ERC1: variants seen among roughly 807,000 people sequenced by gnomAD.
The protein encoded by ERC1 is RAB6 interacting protein 2.
In ERC1, 56 loss-of-function variants were observed where a neutral mutation model predicts 132.0. That is an observed-to-expected ratio of 0.42 (90% CI 0.34 to 0.53). The LOEUF (loss-of-function observed/expected upper bound fraction) is 0.53, where lower values mean the gene tolerates loss of function less well. Among genes scored for constraint, ERC1 ranks in the 20% least tolerant of loss-of-function variants. The pLI is 0.03. For missense variants in ERC1, 1,202 were observed against 1,349.9 expected (o/e 0.89, Z 1.72); for synonymous variants, 478 against 476.1 (o/e 1.00, Z -0.05).
chr12:1,195,876 C>CT (rs1491234801), intron 12 of ERC1, among the ~76,000 whole-genome samples: 5 of 68,854 alleles, frequency 7.3e-5, no homozygotes, highest in African/African-American at 5.3e-4. Context: ...CTTATTTCCG[C>CT]CCCCCCCCCC....
At chr12:1,214,612 T>C (rs1336311454) in intron 12 of ERC1, among the ~76,000 whole-genome samples, 1 of 152,012 alleles carries the variant, frequency 6.6e-6, no homozygotes, top group Non-Finnish European at 1.5e-5. Flanking sequence ...CAAATTTAGA[T>C]ATTTAAATTT....
intron 12 of ERC1, among the ~76,000 whole-genome samples, chr12:1,227,153 A>T (rs894488947): frequency 5.0e-4 from 76 of 152,184 alleles, no homozygotes; most frequent in African/African-American, 1.8e-3. Flanking sequence ...AGCAGAAGTG[A>T]CATTGCTGAG....
intron 2 of ERC1, among the ~76,000 whole-genome samples, chr12:1,080,202 C>T (rs1258450903): frequency 2.0e-5 from 3 of 152,118 alleles, no homozygotes; most frequent in Admixed American, 1.3e-4. Flanking sequence ...TAGTGGCATT[C>T]AGTATATCCC....
At chr12:1,485,927 A>C (rs2094208315) in intron 18 of ERC1, among the ~76,000 whole-genome samples, 3 of 152,238 alleles carry the variant, frequency 2.0e-5, no homozygotes, top group Admixed American at 2.0e-4. Flanking sequence ...GGTTTTAAAT[A>C]TACATCTTTA....
At chr12:1,485,287 C>T (rs1252857996) in intron 18 of ERC1, among the ~76,000 whole-genome samples, 1 of 147,366 alleles carries the variant, frequency 6.8e-6, no homozygotes, top group Non-Finnish European at 1.5e-5. Context: ...CCACTGCAAC[C>T]TCCACCTCCT....
intron 8 of ERC1, among the ~76,000 whole-genome samples, chr12:1,170,259 C>T (rs1000093432): frequency 1.3e-5 from 2 of 152,078 alleles, no homozygotes; most frequent in African/African-American, 4.8e-5. Context: ...AGTGGATAGA[C>T]CATATTTAAT....
intron 16 of ERC1, among the ~76,000 whole-genome samples, chr12:1,394,899 A>G (rs1004679535): frequency 3.9e-5 from 6 of 152,174 alleles, no homozygotes; most frequent in African/African-American, 1.4e-4. Flanking sequence ...ATTACAGACA[A>G]ACTGTGGTAA....
intron 17 of ERC1, among the ~76,000 whole-genome samples, chr12:1,418,665 CT>C (rs1249530675): frequency 6.3e-3 from 528 of 83,738 alleles, no homozygotes; most frequent in African/African-American, 0.027. Flanking sequence ...CTCTCTCTTT[CT>C]TTTCTTTCTT....
intron 12 of ERC1, among the ~76,000 whole-genome samples, chr12:1,202,950 T>G (rs1282854750): frequency 6.6e-6 from 1 of 152,270 alleles, no homozygotes; most frequent in Non-Finnish European, 1.5e-5. Context: ...GAACATTGTC[T>G]GCATTTTACA....
At chr12:1,269,319 G>A (rs1339577598) in intron 14 of ERC1, among the ~76,000 whole-genome samples, 1 of 152,188 alleles carries the variant, frequency 6.6e-6, no homozygotes, top group Non-Finnish European at 1.5e-5. Context: ...TGCTCAGAGA[G>A]GGTCCTCTGT....
intron 18 of ERC1, among the ~76,000 whole-genome samples, chr12:1,483,638 AAAATC>A (rs1479718266): frequency 6.8e-6 from 1 of 147,372 alleles, no homozygotes; most frequent in Non-Finnish European, 1.5e-5. Context: ...AAGTAAAAGT[AAAATC>A]AAAACTCCTT....
chr12:1,227,421 C>A (rs2074672735), intron 12 of ERC1, among the ~76,000 whole-genome samples: 1 of 152,190 alleles, frequency 6.6e-6, no homozygotes, highest in Admixed American at 6.5e-5. Flanking sequence ...GCCTGTTGAG[C>A]ATTTTTCCAT....
intron 1 of ERC1, among the ~76,000 whole-genome samples, chr12:1,024,517 C>T (rs1200069668): frequency 6.6e-6 from 1 of 152,094 alleles, no homozygotes; most frequent in Non-Finnish European, 1.5e-5. Flanking sequence ...AGAATAGATA[C>T]TGTCTTTAGA....
chr12:1,308,181 G>T (rs1320156935), intron 15 of ERC1, among the ~76,000 whole-genome samples: 1 of 151,670 alleles, frequency 6.6e-6, no homozygotes, highest in Admixed American at 6.6e-5. Context: ...CATAGGTGAG[G>T]TTCTGTTTCT....
intron 16 of ERC1, among the ~76,000 whole-genome samples, 172 bp from the exon 17 acceptor site, chr12:1,407,977 G>A (rs190603302): frequency 5.6e-4 from 86 of 152,228 alleles, no homozygotes; most frequent in Non-Finnish European, 1.8e-4. Context: ...AATTCAGCCC[G>A]TAGTATTGGC....
At position 1,016,795 on chromosome 12, in the gene ERC1, C is replaced by T. The variant is rs144353750; in HGVS notation, c.-156-10953C>T. Among the ~76,000 whole-genome samples, 13 of 150,622 alleles carry T rather than the reference C, an allele frequency of 8.6e-5. No homozygotes were observed. The East Asian group carries it at 1.6e-3, about 18-fold the overall frequency. On this transcript the variant is annotated intron_variant, in intron 1 of 18. Transcript: ENST00000360905. ...CCTCCCAAGTAGCTGGGTTTACAGG[C>T]GTGTACCACCATGCCTGGCTAAGTT...
intron 2 of ERC1, among the ~76,000 whole-genome samples, chr12:1,060,314 T>G (rs1973763898): frequency 6.6e-6 from 1 of 151,986 alleles, no homozygotes; most frequent in Non-Finnish European, 1.5e-5. Flanking sequence ...CTCCTAATGC[T>G]AACCCTCCCC....
At chr12:1,445,789 G>T (rs1034292599) in intron 18 of ERC1, among the ~76,000 whole-genome samples, 1 of 152,198 alleles carries the variant, frequency 6.6e-6, no homozygotes, top group Non-Finnish European at 1.5e-5. Flanking sequence ...CATTGCCATC[G>T]GTTATTCCAT....
rs546543804 is a variant in ERC1, at chr12:1,291,973, C to T, written c.2780+1961C>T. On this transcript the variant is annotated intron_variant, in intron 15 of 18. Coordinates refer to ENST00000360905, the MANE Select transcript of ERC1 (RefSeq NM_178040.4). ...CTTTTTTATTCCACTTTTATGTTAGCGTTTTTCCCTTAAGAAAGAAAGGAT... is the reference window on the plus strand; with the variant it reads ...CTTTTTTATTCCACTTTTATGTTAGTGTTTTTCCCTTAAGAAAGAAAGGAT... 3.3e-5 allele frequency among the ~76,000 whole-genome samples: 5 copies of T among 151,960 alleles called. 1 individual carries two copies. The highest frequency in any genetic ancestry group is 1.2e-4 in the African/African-American group (5 of 41,334).
Sources: allele counts gnomAD v4.1 joint callset (sites outside exome capture counted in the v4.1 genomes callset), GRCh38; gene constraint gnomAD v4.1.1; transcripts MANE v1.5; gene names NCBI Gene and HGNC (gene_info 2026-07-23, HGNC 2026-07-21).